PRR16: variants seen among roughly 807,000 people sequenced by gnomAD.
PRR16 encodes the protein proline rich 16, also known as protein Largen.
A neutral mutation model predicts 18.2 loss-of-function variants in PRR16; 6 were observed. The ratio of observed to expected loss-of-function variants is 0.33; its 90% CI spans 0.18 to 0.65. PRR16 has a LOEUF of 0.65. PRR16 is among the 30% of genes least tolerant of loss of function. The pLI, the probability that PRR16 is intolerant of heterozygous loss-of-function variation, is 0.74. For synonymous variants in PRR16, 151 were observed against 147.8 expected, an observed-to-expected ratio of 1.02 and a Z score of -0.16; for missense variants, 412 against 376.6, an observed-to-expected ratio of 1.09 and a Z score of -0.78.
At chr5:120,672,921 T>A (rs1291776097) in intron 1 of PRR16, among the ~76,000 whole-genome samples, 1 of 152,182 alleles carries the variant, frequency 6.6e-6, no homozygotes, top group Non-Finnish European at 1.5e-5. Context: ...ACTAGTTGCA[T>A]CTTGTACATC....
chr5:120,767,415 T>C, the PRR16 span, among the ~76,000 whole-genome samples: 83 of 152,018 alleles, frequency 5.5e-4, no homozygotes, highest in African/African-American at 1.9e-3. Context: ...CACAATCCTT[T>C]CAAGCATGGC....
intron 1 of PRR16, among the ~76,000 whole-genome samples, chr5:120,591,337 C>G (rs1227258781): frequency 3.3e-5 from 5 of 151,822 alleles, no homozygotes; most frequent in African/African-American, 1.2e-4. Flanking sequence ...CCTTTTATAA[C>G]AAGTCGTCGA....
chr5:120,637,573 C>T (rs1291938016), intron 1 of PRR16, among the ~76,000 whole-genome samples: 1 of 152,054 alleles, frequency 6.6e-6, no homozygotes, highest in African/African-American at 2.4e-5. Context: ...AACATGTTCT[C>T]ACTCACTTAT....
At chr5:120,689,864 C>T (rs1580886051), downstream of PRR16, among the ~76,000 whole-genome samples, 1 of 151,614 alleles carries the variant, frequency 6.6e-6, no homozygotes, top group Non-Finnish European at 1.5e-5. Flanking sequence ...TTATCTTCCA[C>T]CTACCAATAG....
rs542174494 is a variant in PRR16 at position 120,686,855 on chromosome 5, T to C, written c.*146T>C. On this transcript the variant is annotated 3_prime_UTR_variant, in exon 2 of 2. Transcript: ENST00000407149. ...TGGCATAAAAATCACCTGGTAAGTA[T>C]GCAGCACATTGCTTATATCCTGGGT... The C allele has an allele frequency of 3.8e-5, 20 of 528,572 alleles. No individual in the cohort carries two copies. The highest frequency in any genetic ancestry group is 5.5e-5 in the Non-Finnish European group (18 of 327,880). The allele number at this position is 528,572 out of a possible 1,614,324, so 32.7% of individuals were successfully genotyped here.
At chr5:120,752,328 T>C in the PRR16 span, among the ~76,000 whole-genome samples, 1 of 151,956 alleles carries the variant, frequency 6.6e-6, no homozygotes, top group Non-Finnish European at 1.5e-5. Context: ...ACAGAATAGA[T>C]AACAGTGGAG....
chr5:120,563,392 A>C (rs950014778), intron 1 of PRR16, among the ~76,000 whole-genome samples: 34 of 152,114 alleles, frequency 2.2e-4, no homozygotes, highest in African/African-American at 8.2e-4. Flanking sequence ...GGGATCAAAA[A>C]CCTTAGAAAT....
chr5:120,646,816 A>G (rs1424366313), intron 1 of PRR16, among the ~76,000 whole-genome samples: 1 of 152,046 alleles, frequency 6.6e-6, no homozygotes, highest in Non-Finnish European at 1.5e-5. Flanking sequence ...GAGAGGAATT[A>G]TAAATAAATA....
chr5:120,552,672 G>A (rs1167847744), intron 1 of PRR16, among the ~76,000 whole-genome samples: 1 of 151,824 alleles, frequency 6.6e-6, no homozygotes, highest in Non-Finnish European at 1.5e-5. Flanking sequence ...TTTTTTGGTT[G>A]TGGAGCATCC....
the PRR16 span, among the ~76,000 whole-genome samples, chr5:120,766,840 G>A: frequency 6.6e-6 from 1 of 151,806 alleles, no homozygotes; most frequent in Admixed American, 6.6e-5. Flanking sequence ...AAAAAAATGG[G>A]GTTAGTATAA....
the PRR16 span, among the ~76,000 whole-genome samples, chr5:120,718,325 A>G: frequency 1.3e-5 from 2 of 152,140 alleles, no homozygotes; most frequent in Non-Finnish European, 2.9e-5. Flanking sequence ...AGAGAAAATT[A>G]ATTATCCTTT....
chr5:120,554,287 C>T (rs930398016), intron 1 of PRR16, among the ~76,000 whole-genome samples: 7 of 151,792 alleles, frequency 4.6e-5, no homozygotes, highest in Admixed American at 1.3e-4. Flanking sequence ...TTTACAAGAT[C>T]ATTTACAAGA....
chr5:120,678,063 C>A lies in PRR16; in HGVS notation c.160-7891C>A, dbSNP rs1332694431. 3.3e-5 allele frequency among the ~76,000 whole-genome samples: 5 copies of A among 152,098 alleles called. No individual in the cohort carries two copies. The East Asian group carries it at 9.7e-4, about 29-fold the overall frequency. On this transcript the variant is annotated intron_variant, in intron 1 of 1. Coordinates refer to ENST00000407149, the MANE Select transcript of PRR16 (RefSeq NM_001300783.2). ...TAGCTGGGACTACAGGCGCCGGCCACCACGCCTGGCTAATTTTTTGTATTT... is the reference window on the plus strand; with the variant it reads ...TAGCTGGGACTACAGGCGCCGGCCAACACGCCTGGCTAATTTTTTGTATTT...
intron 1 of PRR16, among the ~76,000 whole-genome samples, chr5:120,570,226 C>T (rs933803587): frequency 6.6e-6 from 1 of 152,106 alleles, no homozygotes; most frequent in Non-Finnish European, 1.5e-5. Context: ...ATCCCTGAAC[C>T]AGTGATACCT....
intron 1 of PRR16, among the ~76,000 whole-genome samples, chr5:120,501,687 A>C (rs1750459054): frequency 6.6e-6 from 1 of 152,100 alleles, no homozygotes; most frequent in African/African-American, 2.4e-5. Flanking sequence ...AAAATAAGAA[A>C]AAGAAATGGC....
At chr5:120,598,633 T>C (rs1426745257) in intron 1 of PRR16, among the ~76,000 whole-genome samples, 2 of 151,854 alleles carry the variant, frequency 1.3e-5, no homozygotes, top group East Asian at 1.9e-4. Flanking sequence ...TTTATGTCCA[T>C]GTGTACTTAA....
the PRR16 span, among the ~76,000 whole-genome samples, chr5:120,787,736 C>T: frequency 2.6e-5 from 4 of 152,246 alleles, no homozygotes; most frequent in Admixed American, 1.3e-4. Context: ...CCGGTGTCTT[C>T]GCCATGTCTT....
At chr5:120,478,099 G>A (rs757152060) in intron 1 of PRR16, among the ~76,000 whole-genome samples, 2 of 152,026 alleles carry the variant, frequency 1.3e-5, no homozygotes, top group Non-Finnish European at 2.9e-5. Context: ...TATATTTCAA[G>A]TTTCTAGAGC....
intron 1 of PRR16, among the ~76,000 whole-genome samples, chr5:120,560,890 C>G (rs1281477669): frequency 6.6e-6 from 1 of 152,030 alleles, no homozygotes; most frequent in Non-Finnish European, 1.5e-5. Context: ...TCCATTTTCT[C>G]TAGATTTTCC....
Sources: allele counts gnomAD v4.1 joint callset (sites outside exome capture counted in the v4.1 genomes callset), GRCh38; gene constraint gnomAD v4.1.1; transcripts MANE v1.5; gene names NCBI Gene and HGNC (gene_info 2026-07-23, HGNC 2026-07-21).